Variants in PDE10A observed in about 807,000 individuals in gnomAD.
The protein encoded by PDE10A is cAMP and cAMP-inhibited cGMP 3',5'-cyclic phosphodiesterase 10A.
A neutral mutation model predicts 97.7 loss-of-function variants in PDE10A; 39 were observed. That is an observed-to-expected ratio of 0.40 (90% confidence interval 0.31 to 0.52). PDE10A has a LOEUF of 0.52. Among genes scored for constraint, PDE10A ranks in the 20% least tolerant of loss-of-function variants. The pLI, the probability that PDE10A is intolerant of heterozygous loss-of-function variation, is 0.56. For synonymous variants in PDE10A, 371 were observed against 376.8 expected, an observed-to-expected ratio of 0.98 and a Z score of 0.18; for missense variants, 731 against 1,047.8, an observed-to-expected ratio of 0.70 and a Z score of 4.17.
At chr6:165,523,082 G>T (rs900913475) in intron 2 of PDE10A, among the ~76,000 whole-genome samples, 6 of 151,578 alleles carry the variant, frequency 4.0e-5, no homozygotes, top group African/African-American at 1.5e-4. Context: ...GTGAAAGATA[G>T]CTACAAAGAG....
At chr6:165,503,704 G>T (rs973812354) in intron 2 of PDE10A, among the ~76,000 whole-genome samples, 2 of 152,130 alleles carry the variant, frequency 1.3e-5, no homozygotes, top group African/African-American at 4.8e-5. Flanking sequence ...GGAACTCTTA[G>T]ATCAACCAAC....
intron 13 of PDE10A, among the ~76,000 whole-genome samples, chr6:165,410,889 C>A (rs1049200894): frequency 1.5e-5 from 2 of 135,306 alleles, no homozygotes; most frequent in Non-Finnish European, 3.1e-5. Flanking sequence ...GAGATCGAGA[C>A]CATCCTGGCT....
chr6:165,865,087 A>C (rs1340187110), intron 1 of PDE10A, among the ~76,000 whole-genome samples: 1 of 152,190 alleles, frequency 6.6e-6, no homozygotes, highest in Non-Finnish European at 1.5e-5. Context: ...TTTGTGCCCA[A>C]AAATTGACGC....
At chr6:165,806,688 C>T (rs895573619) in intron 1 of PDE10A, among the ~76,000 whole-genome samples, 2 of 152,110 alleles carry the variant, frequency 1.3e-5, no homozygotes, top group African/African-American at 4.8e-5. Context: ...GATGAGGTCC[C>T]CTTCAGTGCA....
intron 2 of PDE10A, among the ~76,000 whole-genome samples, chr6:165,484,168 C>A (rs1329027774): frequency 1.3e-5 from 2 of 152,194 alleles, no homozygotes; most frequent in African/African-American, 4.8e-5. Context: ...AACATTGCCT[C>A]CTATTTCTTA....
intron 1 of PDE10A, among the ~76,000 whole-genome samples, chr6:165,885,359 G>T (rs897066117): frequency 1.3e-5 from 2 of 152,162 alleles, no homozygotes; most frequent in African/African-American, 4.8e-5. Context: ...AAGCAAAGGA[G>T]AAGCGCCACA....
At chr6:165,811,217 C>A (rs1038899864) in intron 1 of PDE10A, among the ~76,000 whole-genome samples, 1 of 151,962 alleles carries the variant, frequency 6.6e-6, no homozygotes, top group African/African-American at 2.4e-5. Flanking sequence ...AGCAAGACTC[C>A]GTCTCAAAAA....
chr6:165,726,889 C>T (rs1416647273), intron 1 of PDE10A, among the ~76,000 whole-genome samples: 1 of 152,244 alleles, frequency 6.6e-6, no homozygotes, highest in Non-Finnish European at 1.5e-5. Context: ...CGTGACCAAA[C>T]TAAAGATGAC....
chr6:165,733,399 C>T (rs573855450), intron 1 of PDE10A, among the ~76,000 whole-genome samples: 38 of 152,236 alleles, frequency 2.5e-4, no homozygotes, highest in Admixed American at 9.8e-4. Context: ...TGGTGTGATC[C>T]GATACTGTTT....
chr6:165,413,448 A>G (rs1322369250), intron 13 of PDE10A, 53 bp downstream of exon 13: 4 of 1,282,754 alleles, frequency 3.1e-6, no homozygotes, highest in African/African-American at 3.0e-5. Flanking sequence ...TATGAAAAAG[A>G]TTCCAAATTA....
Position 165,434,986 on chromosome 6 carries a change from T to C in PDE10A, c.1335+251A>G, listed in dbSNP as rs138582137. On this transcript the variant is annotated intron_variant, in intron 6 of 21. Coordinates refer to ENST00000539869, the MANE Select transcript of PDE10A (RefSeq NM_001385079.1). The stretch of plus-strand genomic sequence containing the variant: ...TATTTAGTTTACATTCATATGAATA[T>C]ACACAGTATATTTGTGTTTAACTGT... Among the ~76,000 whole-genome samples the C allele has an allele frequency of 1.4e-3, 210 of 152,326 alleles. 2 individuals are homozygous for C. Among genetic ancestry groups the C allele is most frequent in the East Asian group, 0.01 (52 of 5,188 alleles).
intron 1 of PDE10A, among the ~76,000 whole-genome samples, chr6:165,892,051 C>T (rs1781817152): frequency 2.0e-5 from 3 of 152,084 alleles, no homozygotes. Flanking sequence ...GGACATGATC[C>T]AAGCATAAAA....
intron 2 of PDE10A, among the ~76,000 whole-genome samples, chr6:165,514,465 G>C (rs1455004659): frequency 6.6e-6 from 1 of 152,218 alleles, no homozygotes; most frequent in African/African-American, 2.4e-5. Context: ...GTGTAAACCT[G>C]CTTGGTTTTA....
At chr6:165,465,361 GGGCCA>G (rs1023259322) in intron 3 of PDE10A, among the ~76,000 whole-genome samples, 1 of 152,136 alleles carries the variant, frequency 6.6e-6, no homozygotes, top group Non-Finnish European at 1.5e-5. Context: ...AGCATATAAA[GGGCCA>G]GTAGATATTC....
At chr6:165,565,292 C>T (rs113410885) in intron 1 of PDE10A, among the ~76,000 whole-genome samples, 6 of 152,048 alleles carry the variant, frequency 3.9e-5, no homozygotes, top group African/African-American at 1.2e-4. Flanking sequence ...CAGTATCTTT[C>T]CTATATTCCA....
chr6:165,561,351 T>C (rs1025813154), intron 1 of PDE10A, among the ~76,000 whole-genome samples: 2 of 152,174 alleles, frequency 1.3e-5, no homozygotes, highest in African/African-American at 4.8e-5. Context: ...ATGCTTCCTA[T>C]GCAGCCTCCA....
At chr6:165,735,674 G>GT (rs2063349022) in intron 1 of PDE10A, among the ~76,000 whole-genome samples, 1 of 152,130 alleles carries the variant, frequency 6.6e-6, no homozygotes, top group Non-Finnish European at 1.5e-5. Flanking sequence ...GGGATGGTCA[G>GT]TTTTTTGTTC....
At chr6:165,921,574 G>T (rs978919795) in intron 1 of PDE10A, among the ~76,000 whole-genome samples, 1 of 152,192 alleles carries the variant, frequency 6.6e-6, no homozygotes, top group Admixed American at 6.5e-5. Context: ...TACACAGGCT[G>T]GGCCAGCTAA....
At chr6:165,493,808 A>C (rs1026952376) in intron 2 of PDE10A, among the ~76,000 whole-genome samples, 3 of 152,120 alleles carry the variant, frequency 2.0e-5, no homozygotes, top group Non-Finnish European at 2.9e-5. Context: ...AATGCCACAA[A>C]AGCAAAGATA....
Sources: allele counts gnomAD v4.1 joint callset (sites outside exome capture counted in the v4.1 genomes callset), GRCh38; gene constraint gnomAD v4.1.1; transcripts MANE v1.5; gene names NCBI Gene and HGNC (gene_info 2026-07-23, HGNC 2026-07-21).